Variants in PTPRD observed in about 807,000 individuals in gnomAD.
PTPRD encodes the protein protein tyrosine phosphatase receptor type D, also known as receptor-type tyrosine-protein phosphatase delta.
PTPRD carries 34 observed loss-of-function variants against 214.5 expected under a neutral mutation model. The ratio of observed to expected loss-of-function variants is 0.16; its 90% CI spans 0.12 to 0.21. The LOEUF (loss-of-function observed/expected upper bound fraction) is 0.21, where lower values mean the gene tolerates loss of function less well. Ranked by LOEUF, PTPRD falls within the 10% of genes least tolerant of loss-of-function variation. The pLI is 1.00. For synonymous variants in PTPRD, 1,128 were observed against 845.7 expected, an observed-to-expected ratio of 1.33 and a Z score of -5.79; for missense variants, 2,545 against 2,398.7, an observed-to-expected ratio of 1.06 and a Z score of -1.27.
chr9:10,553,861 T>G (rs1293748183), intron 2 of PTPRD, among the ~76,000 whole-genome samples: 2 of 152,218 alleles, frequency 1.3e-5, no homozygotes, highest in African/African-American at 2.4e-5. Flanking sequence ...TACAGCTATA[T>G]CTGTTAGATT....
chr9:9,666,503 C>T (rs1361754446), intron 7 of PTPRD, among the ~76,000 whole-genome samples: 1 of 151,938 alleles, frequency 6.6e-6, no homozygotes, highest in Non-Finnish European at 1.5e-5. Flanking sequence ...TTAAAAGTTA[C>T]ACACAGCTCA....
rs1181986372 is a variant in PTPRD, at chr9:10,612,998, C to G, written c.-1018G>C. The stretch of plus-strand genomic sequence containing the variant: ...TGGCGCTCCCTCCTCGTCTCGCTCG[C>G]ACTCACAGGCACACACCCCACGTCT... On this transcript the variant is annotated 5_prime_UTR_variant, in exon 1 of 46. Coordinates refer to ENST00000381196, the MANE Select transcript of PTPRD (RefSeq NM_002839.4). Among the ~76,000 whole-genome samples, 2 of 151,364 alleles carry G rather than the reference C, an allele frequency of 1.3e-5. No individual in the cohort carries two copies. Among genetic ancestry groups the G allele is most frequent in the South Asian group, 4.1e-4 (2 of 4,838 alleles).
chr9:9,115,864 T>C (rs906968048), intron 10 of PTPRD, among the ~76,000 whole-genome samples: 1 of 152,154 alleles, frequency 6.6e-6, no homozygotes. Flanking sequence ...AAAATGTATA[T>C]ACCCATCATG....
At chr9:10,209,259 G>A (rs768255468) in intron 3 of PTPRD, among the ~76,000 whole-genome samples, 1 of 152,100 alleles carries the variant, frequency 6.6e-6, no homozygotes, top group Non-Finnish European at 1.5e-5. Flanking sequence ...AAAAACCCAT[G>A]AAAACACAAA....
chr9:9,252,001 G>T (rs1175972516), intron 9 of PTPRD, among the ~76,000 whole-genome samples: 2 of 151,920 alleles, frequency 1.3e-5, no homozygotes, highest in African/African-American at 2.4e-5. Context: ...TACAATGCTT[G>T]CTATCCTCTC....
intron 4 of PTPRD, among the ~76,000 whole-genome samples, chr9:10,001,374 C>T (rs892831645): frequency 5.3e-5 from 8 of 152,020 alleles, no homozygotes; most frequent in Admixed American, 4.6e-4. Flanking sequence ...TCAAAAGTTT[C>T]CCAAATTTGG....
chr9:9,065,096 T>C (rs1182825924), intron 10 of PTPRD, among the ~76,000 whole-genome samples: 1 of 152,154 alleles, frequency 6.6e-6, no homozygotes, highest in African/African-American at 2.4e-5. Context: ...TATAACAATA[T>C]ATACATTTGA....
intron 12 of PTPRD, among the ~76,000 whole-genome samples, chr9:8,728,121 AC>A (rs951553453): frequency 6.6e-5 from 10 of 152,198 alleles, no homozygotes; most frequent in Admixed American, 5.2e-4. Flanking sequence ...GTGGTGGCAC[AC>A]GCCTGTAATC....
intron 2 of PTPRD, among the ~76,000 whole-genome samples, chr9:10,404,010 T>A (rs2098320496): frequency 6.6e-6 from 1 of 151,652 alleles, no homozygotes; most frequent in Non-Finnish European, 1.5e-5. Flanking sequence ...TGGGTGATAG[T>A]GATGTATCAT....
chr9:8,547,641 T>TAAAAAAAAAAAAAAAAAAAA (rs759867541), intron 14 of PTPRD, among the ~76,000 whole-genome samples: 1 of 110,974 alleles, frequency 9.0e-6, no homozygotes. Flanking sequence ...GAATCCTATT[T>TAAAAAAAAAAAAAAAAAAAA]AAAAAAAAAA....
intron 5 of PTPRD, among the ~76,000 whole-genome samples, chr9:9,803,302 G>A (rs1161385992): frequency 3.3e-5 from 5 of 150,252 alleles, no homozygotes; most frequent in Non-Finnish European, 5.9e-5. Flanking sequence ...AATCCTCATT[G>A]GTAGTAAAAA....
At chr9:8,805,771 G>T (rs914285219) in intron 11 of PTPRD, among the ~76,000 whole-genome samples, 1 of 151,070 alleles carries the variant, frequency 6.6e-6, no homozygotes, top group South Asian at 2.1e-4. Context: ...TGAGGCGGAC[G>T]GATCATGAGG....
intron 8 of PTPRD, among the ~76,000 whole-genome samples, chr9:9,399,600 C>T (rs540027459): frequency 7.5e-4 from 114 of 152,086 alleles, no homozygotes; most frequent in Middle Eastern, 3.4e-3. Flanking sequence ...CTCATAATTC[C>T]CACATATTGT....
intron 39 of PTPRD, among the ~76,000 whole-genome samples, chr9:8,372,589 T>C (rs1275651963): frequency 6.6e-6 from 1 of 152,038 alleles, no homozygotes; most frequent in African/African-American, 2.4e-5. Flanking sequence ...TGAGATTCTA[T>C]GCTCTGTATG....
chr9:9,535,388 T>G (rs1242297823), intron 8 of PTPRD, among the ~76,000 whole-genome samples: 1 of 152,102 alleles, frequency 6.6e-6, no homozygotes, highest in Admixed American at 6.6e-5. Context: ...ACACATGAAC[T>G]TCATTGAAAG....
At chr9:10,557,924 C>G (rs2062984377) in intron 2 of PTPRD, among the ~76,000 whole-genome samples, 1 of 152,138 alleles carries the variant, frequency 6.6e-6, no homozygotes, top group Non-Finnish European at 1.5e-5. Context: ...AGCCTGTGAC[C>G]TGTGCAATTT....
At chr9:9,811,599 C>A (rs750120697) in intron 5 of PTPRD, among the ~76,000 whole-genome samples, 113 of 152,124 alleles carry the variant, frequency 7.4e-4, no homozygotes, top group Admixed American at 1.6e-3. Context: ...CCCAGCTACT[C>A]AGAAGGCTGA....
chr9:10,407,499 T>C (rs1227206195), intron 2 of PTPRD, among the ~76,000 whole-genome samples: 1 of 151,558 alleles, frequency 6.6e-6, no homozygotes, highest in African/African-American at 2.4e-5. Flanking sequence ...CTAGCACCAT[T>C]CCTAATAGAA....
intron 3 of PTPRD, among the ~76,000 whole-genome samples, chr9:10,147,968 G>A (rs1015348769): frequency 1.3e-5 from 2 of 152,286 alleles, no homozygotes; most frequent in Admixed American, 6.5e-5. Flanking sequence ...CATTAGAAAA[G>A]TGAAAGTATA....
Sources: gnomAD v4.1 joint callset for allele counts (sites outside exome capture counted in the v4.1 genomes callset) on GRCh38, gnomAD v4.1.1 for gene constraint, MANE v1.5 for transcripts, NCBI Gene and HGNC (gene_info 2026-07-23, HGNC 2026-07-21) for gene names.